Variants in PCDHGB2 observed in about 807,000 individuals in gnomAD.
The protein encoded by PCDHGB2 is protocadherin gamma-B2.
Under a neutral mutation model 59.3 loss-of-function variants are expected in PCDHGB2, and 55 were observed. The ratio of observed to expected loss-of-function variants is 0.93; its 90% CI spans 0.75 to 1.16. The LOEUF (loss-of-function observed/expected upper bound fraction) is 1.16. Among genes scored for constraint, PCDHGB2 ranks in the 50% most tolerant of loss-of-function variants. PCDHGB2 has a pLI of 0.00. For missense variants in PCDHGB2, 1,228 were observed against 1,198.5 expected, an observed-to-expected ratio of 1.02 and a Z score of -0.36; for synonymous variants, 516 against 512.0, an observed-to-expected ratio of 1.01 and a Z score of -0.11.
intron 1 of PCDHGB2, chr5:141,441,844 G>T: frequency 2.8e-6 from 1 of 355,710 alleles, no homozygotes. Context: ...CGCGCTCTTG[G>T]ATATGGTGCT....
chr5:141,366,750 AG>A, intron 1 of PCDHGB2: 1 of 1,607,760 alleles, frequency 6.2e-7, no homozygotes, highest in East Asian at 2.2e-5. Flanking sequence ...CGGCGAGTTC[AG>A]GTTAGTTTTC....
In PCDHGB2 at chr5:141,421,516, T is replaced by G. The variant is rs199973694; in HGVS notation, c.2421+58960T>G. On this transcript the variant is annotated intron_variant, in intron 1 of 3. Transcript: ENST00000522605. Reference sequence around the variant, plus strand: ...AGGCAGGATAGACCGGGAGGAGCTCTGTGAGACGGTGTCCTCCTGTTTTTT... The same window carrying G: ...AGGCAGGATAGACCGGGAGGAGCTCGGTGAGACGGTGTCCTCCTGTTTTTT... 1.4e-5 allele frequency: 22 copies of G among 1,614,064 alleles called. No homozygotes were observed. The East Asian group carries it at 4.9e-4, about 36-fold the overall frequency.
At chr5:141,421,700 C>A (rs755518757) in intron 1 of PCDHGB2, 2 of 1,613,900 alleles carry the variant, frequency 1.2e-6, no homozygotes, top group Non-Finnish European at 1.7e-6. Flanking sequence ...CTTCCTAATG[C>A]TAGGGATCCA....
chr5:141,390,478 ATTTG>A (rs2092157792), intron 1 of PCDHGB2: 1 of 678,524 alleles, frequency 1.5e-6, no homozygotes, highest in Admixed American at 3.1e-5. Flanking sequence ...GTGGCCCAAC[ATTTG>A]TTTGTTTTTT....
At chr5:141,402,391 T>C (rs1344810342) in intron 1 of PCDHGB2, among the ~76,000 whole-genome samples, 3 of 151,962 alleles carry the variant, frequency 2.0e-5, no homozygotes, top group African/African-American at 7.2e-5. Context: ...AAAAATTACT[T>C]CAGAAAATTG....
intron 1 of PCDHGB2, chr5:141,417,592 TG>T: frequency 2.1e-6 from 1 of 485,078 alleles, no homozygotes; most frequent in Non-Finnish European, 3.5e-6. Context: ...ACAGAGCCTC[TG>T]GGCGCCGCCG....
intron 1 of PCDHGB2, chr5:141,420,545 A>G: frequency 3.5e-6 from 1 of 289,066 alleles, no homozygotes; most frequent in Non-Finnish European, 6.2e-6. Flanking sequence ...TATAAAATAC[A>G]GGTATATTTT....
chr5:141,457,902 G>A (rs1219261409), intron 1 of PCDHGB2, among the ~76,000 whole-genome samples: 1 of 150,854 alleles, frequency 6.6e-6, no homozygotes, highest in Non-Finnish European at 1.5e-5. Flanking sequence ...GTGTAGACAA[G>A]GTGTGAGGCC....
rs1478890031 is a variant in PCDHGB2, at chr5:141,478,689, C to G, written c.2422-16118C>G. On this transcript the variant is annotated intron_variant, in intron 1 of 3. Coordinates refer to ENST00000522605, the MANE Select transcript of PCDHGB2 (RefSeq NM_018923.3). Reference sequence around the variant, plus strand: ...CACTTTCAACTGGCCCTTCCTAGATCAAAGTTAGTGCCTTTGTGAGATGGT... The same window carrying G: ...CACTTTCAACTGGCCCTTCCTAGATGAAAGTTAGTGCCTTTGTGAGATGGT... 3 of 1,550,866 alleles carry G rather than the reference C, an allele frequency of 1.9e-6. No homozygotes were observed. In the African/African-American group the frequency reaches 4.1e-5, roughly 21 times the overall value.
In PCDHGB2 at chr5:141,430,969, TAGGACGCA is replaced by T. The variant is rs775497521; in HGVS notation, c.2422-63837_2422-63830del. The T allele has an allele frequency of 7.3e-5, 118 of 1,613,012 alleles. 1 individual carries two copies. The Middle Eastern group carries it at 1.8e-3, about 25-fold the overall frequency. On this transcript the variant is annotated intron_variant, in intron 1 of 3. Transcript: ENST00000522605. ...GCGGAGTCCGCATCATCCCCAGAGG[TAGGACGCA>T]GCTTTTCGCCCTGAATCCGCGCAGC...
At position 141,487,641 on chromosome 5, in the gene PCDHGB2, T is replaced by C. The variant is rs1343702532; in HGVS notation, c.2422-7166T>C. The stretch of plus-strand genomic sequence containing the variant: ...GTGAGACCTTTGCAGGCTCAACAAA[T>C]GCTTGAGGGTTATTCTGATCCAGGC... On this transcript the variant is annotated intron_variant, in intron 1 of 3. Coordinates refer to ENST00000522605, the MANE Select transcript of PCDHGB2 (RefSeq NM_018923.3). The surrounding 1 kb of genome is among the most constrained non-coding windows in gnomAD (Gnocchi z 5.0). The C allele has an allele frequency of 6.2e-7, 1 of 1,614,122 alleles. No individual in the cohort carries two copies. Among genetic ancestry groups the C allele is most frequent in the Non-Finnish European group, 8.5e-7 (1 of 1,179,998 alleles).
At chr5:141,417,693 A>T in intron 1 of PCDHGB2, 1 of 1,091,256 alleles carries the variant, frequency 9.2e-7, no homozygotes, top group Non-Finnish European at 1.3e-6. Context: ...AAAGAAAACC[A>T]GCTCCCACAC....
chr5:141,426,491 G>A, intron 1 of PCDHGB2: 1 of 336,822 alleles, frequency 3.0e-6, no homozygotes, highest in South Asian at 2.4e-5. Flanking sequence ...CTTAGAGTTA[G>A]TGCAGAGAAA....
intron 1 of PCDHGB2, chr5:141,385,005 C>A (rs754312286): frequency 6.8e-6 from 11 of 1,614,138 alleles, no homozygotes; most frequent in South Asian, 4.4e-5. Context: ...CAGTCTCCTG[C>A]GTCTTCCTAG....
rs777780708 is a variant in PCDHGB2, at chr5:141,489,934, G to C, written c.2422-4873G>C. ...AGGGACCACCCTTATCTCTGTCATC[G>C]TGCTGGACATCAATGATAATGCTCC... On this transcript the variant is annotated intron_variant, in intron 1 of 3. Transcript: ENST00000522605. The surrounding 1 kb of genome is among the most constrained non-coding windows in gnomAD (Gnocchi z 4.5). The C allele has an allele frequency of 1.4e-5, 23 of 1,614,176 alleles. No homozygotes were observed. Among genetic ancestry groups the C allele is most frequent in the Non-Finnish European group, 1.8e-5 (21 of 1,180,030 alleles).
At chr5:141,376,143 C>T (rs968258270) in intron 1 of PCDHGB2, 3 of 1,613,858 alleles carry the variant, frequency 1.9e-6, no homozygotes, top group East Asian at 2.2e-5. Flanking sequence ...CCCAACGATT[C>T]GGACCTCACT....
intron 2 of PCDHGB2, among the ~76,000 whole-genome samples, chr5:141,503,351 C>T (rs1186394919): frequency 6.6e-6 from 1 of 151,994 alleles, no homozygotes; most frequent in Admixed American, 6.6e-5. Context: ...AATTCCAGCA[C>T]TTTGGGAAGC....
At chr5:141,508,664 T>C (rs1381178258) in intron 3 of PCDHGB2, among the ~76,000 whole-genome samples, 1 of 152,030 alleles carries the variant, frequency 6.6e-6, no homozygotes, top group Non-Finnish European at 1.5e-5. Context: ...TGTCATTCTG[T>C]CTCTGCCTCC....
chr5:141,480,102 T>C (rs568342271), intron 1 of PCDHGB2, among the ~76,000 whole-genome samples: 1 of 152,320 alleles, frequency 6.6e-6, no homozygotes, highest in South Asian at 2.1e-4. Flanking sequence ...GCAAAGTGTT[T>C]AGCATGGTGC....
Sources: gnomAD v4.1 joint callset for allele counts (sites outside exome capture counted in the v4.1 genomes callset) on GRCh38, gnomAD v4.1.1 for gene constraint, Gnocchi (gnomAD v3.1) non-coding constraint, MANE v1.5 for transcripts, NCBI Gene and HGNC (gene_info 2026-07-23, HGNC 2026-07-21) for gene names.